Variants in BAZ2B observed in about 807,000 individuals in gnomAD.
The protein encoded by BAZ2B is bromodomain adjacent to zinc finger domain protein 2B.
Under a neutral mutation model 246.0 loss-of-function variants are expected in BAZ2B, and 91 were observed. The observed-to-expected ratio is 0.37, with a 90% CI of 0.31 to 0.44. The LOEUF (loss-of-function observed/expected upper bound fraction) is 0.44, where lower values mean the gene tolerates loss of function less well. BAZ2B is among the 20% of genes least tolerant of loss of function. The pLI is 1.00. For synonymous variants in BAZ2B, 855 were observed against 860.0 expected (o/e 0.99, Z 0.10); for missense variants, 2,332 against 2,533.7 (o/e 0.92, Z 1.71).
In BAZ2B at chr2:159,489,942, A is replaced by G. The variant is rs565235864; in HGVS notation, c.-2-11221T>C. Among the ~76,000 whole-genome samples, 5 of 152,278 alleles carry G rather than the reference A, an allele frequency of 3.3e-5. No homozygotes were observed. In the South Asian group the frequency reaches 1.0e-3, roughly 32 times the overall value. On this transcript the variant is annotated intron_variant, in intron 2 of 36. Coordinates refer to ENST00000392783, the MANE Select transcript of BAZ2B (RefSeq NM_013450.4). ...GTTAGAAAAAGAAATCTAGACAGAA[A>G]TGAACAAAATGGACAATTTTCAACT...
chr2:159,322,734 C>A (rs75834697), intron 36 of BAZ2B, among the ~76,000 whole-genome samples: 5,784 of 152,012 alleles, frequency 0.038, 193 homozygotes, highest in East Asian at 0.13. Flanking sequence ...TGTAAGTAGG[C>A]CCCTCCCTCT....
intron 3 of BAZ2B, among the ~76,000 whole-genome samples, chr2:159,470,657 A>G (rs568171914): frequency 1.3e-5 from 2 of 152,328 alleles, no homozygotes; most frequent in South Asian, 2.1e-4. Flanking sequence ...TACAGACTCA[A>G]GCTTTATTTT....
chr2:159,598,365 G>A (rs66499418), intron 1 of BAZ2B, among the ~76,000 whole-genome samples: 36,647 of 152,102 alleles, frequency 0.24, 5,624 homozygotes, highest in Admixed American at 0.38. Context: ...ACTCTCATAA[G>A]AATTGCATGG....
At chr2:159,690,980 C>T in the BAZ2B span, among the ~76,000 whole-genome samples, 3 of 151,766 alleles carry the variant, frequency 2.0e-5, no homozygotes, top group Non-Finnish European at 4.4e-5. Flanking sequence ...TAAAAATGTC[C>T]TTGGTGTTTT....
At chr2:159,463,295 A>AT in intron 3 of BAZ2B, 2 of 342,208 alleles carry the variant, frequency 5.8e-6, no homozygotes, top group South Asian at 5.6e-5. Flanking sequence ...GACACTTAAA[A>AT]AAGACGATTC....
chr2:159,316,484 G>A (rs1382239818), downstream of BAZ2B, among the ~76,000 whole-genome samples: 1 of 151,872 alleles, frequency 6.6e-6, no homozygotes, highest in Non-Finnish European at 1.5e-5. Context: ...GAGGTCAGGA[G>A]ATCGAGACCA....
intron 3 of BAZ2B, chr2:159,460,678 G>A (rs1383891037): frequency 1.3e-5 from 2 of 152,114 alleles, no homozygotes; most frequent in East Asian, 3.9e-4. Context: ...TAGTGTAATA[G>A]CAAAAAGAAC....
intron 1 of BAZ2B, among the ~76,000 whole-genome samples, chr2:159,604,543 T>C (rs1467574521): frequency 6.6e-6 from 1 of 152,214 alleles, no homozygotes; most frequent in East Asian, 1.9e-4. Context: ...CAAAGAAGCA[T>C]AGTTTGAATA....
chr2:159,479,508 G>C (rs185376803), intron 2 of BAZ2B, among the ~76,000 whole-genome samples: 2 of 152,128 alleles, frequency 1.3e-5, no homozygotes, highest in East Asian at 3.9e-4. Flanking sequence ...AAGAGAACAC[G>C]ATCTACAATA....
In BAZ2B at chr2:159,325,713, T is replaced by G. The variant is rs1411824948; in HGVS notation, c.6149A>C (p.Glu2050Ala). 1 of 1,595,914 alleles carries G rather than the reference T, an allele frequency of 6.3e-7. No individual in the cohort carries two copies. The highest frequency in any genetic ancestry group is 8.5e-7 in the Non-Finnish European group (1 of 1,176,006). ...ENTSINLSKQ[E>A]SFTSVKKPKR... Reference sequence around the variant, plus strand: ...AGGTTTCTTAACTGAAGTAAAACTTTCTTGTTTTGACAAGTTAATAGAAGT... The same window carrying G: ...AGGTTTCTTAACTGAAGTAAAACTTGCTTGTTTTGACAAGTTAATAGAAGT... The change falls in exon 35 of 37, where the codon GAA becomes GCA. Residue 2050 changes from glutamate to alanine, a missense_variant. Glu to Ala is a moderately radical substitution (Grantham distance 107). This residue lies in a region of BAZ2B where 210 missense variants were observed against 232.5 expected (regional missense o/e 0.90). Transcript: ENST00000392783.
chr2:159,549,272 C>T (rs543246027), intron 2 of BAZ2B, among the ~76,000 whole-genome samples: 2 of 152,292 alleles, frequency 1.3e-5, no homozygotes, highest in Non-Finnish European at 2.9e-5. Flanking sequence ...CAGAACGAGA[C>T]TCTGTCTCAA....
At position 159,597,687 on chromosome 2, in the gene BAZ2B, C is replaced by T. The variant is rs1196250193; in HGVS notation, c.-46+18555G>A. ...GATTTCAGGCATGTGCCACCACACC[C>T]TCAGGTGATCTGCCCGCCTTGGCCT... On this transcript the variant is annotated intron_variant, in intron 1 of 36. Transcript: ENST00000392783. Among the ~76,000 whole-genome samples the T allele has an allele frequency of 2.0e-5, 3 of 152,140 alleles. No individual in the cohort carries two copies. In the East Asian group the frequency reaches 5.8e-4, roughly 29 times the overall value.
At chr2:159,615,517 CAG>C (rs70997178) in intron 1 of BAZ2B, 7,824 of 152,298 alleles carry the variant, frequency 0.051, 313 homozygotes, top group Middle Eastern at 0.12. Flanking sequence ...TCAGTAAACT[CAG>C]AGCCTCCAGC....
chr2:159,498,503 CA>C (rs1005205613), intron 2 of BAZ2B, among the ~76,000 whole-genome samples: 1 of 152,148 alleles, frequency 6.6e-6, no homozygotes. Flanking sequence ...ATAATAGTGA[CA>C]TTTTTATTTT....
chr2:159,426,068 C>G (rs943051951), intron 13 of BAZ2B, among the ~76,000 whole-genome samples: 10 of 152,152 alleles, frequency 6.6e-5, no homozygotes, highest in Non-Finnish European at 1.3e-4. Flanking sequence ...CGAATGTTTT[C>G]CCCTAGCATT....
the BAZ2B span, among the ~76,000 whole-genome samples, chr2:159,622,283 AGGC>A: frequency 0.26 from 33,714 of 131,284 alleles, 6,336 homozygotes; most frequent in Non-Finnish European, 0.38. Flanking sequence ...AAAAAAAAAA[AGGC>A]AAAAACCAAA....
chr2:159,408,644 C>T (rs866751419), intron 14 of BAZ2B, among the ~76,000 whole-genome samples: 12 of 152,114 alleles, frequency 7.9e-5, no homozygotes, highest in Non-Finnish European at 1.5e-4. Flanking sequence ...AAAGGCCGGG[C>T]GCAGCAGCTC....
At chr2:159,476,883 G>A (rs1269100327) in intron 3 of BAZ2B, among the ~76,000 whole-genome samples, 1 of 152,188 alleles carries the variant, frequency 6.6e-6, no homozygotes, top group African/African-American at 2.4e-5. Flanking sequence ...TTTGAGCACA[G>A]TATATCATCA....
At chr2:159,694,534 A>G in the BAZ2B span, 1 of 152,122 alleles carries the variant, frequency 6.6e-6, no homozygotes, top group South Asian at 2.1e-4. Flanking sequence ...TCTGTTTTGT[A>G]TCTCTATGGA....
Sources: gnomAD v4.1 joint callset for allele counts (sites outside exome capture counted in the v4.1 genomes callset) on GRCh38, gnomAD v4.1.1 for gene constraint, gnomAD v4.1.1 regional missense constraint, MANE v1.5 for transcripts, NCBI Gene and HGNC (gene_info 2026-07-23, HGNC 2026-07-21) for gene names.